The following RSRC1 variants were observed in gnomAD, a reference collection of about 807,000 sequenced individuals.
RSRC1 encodes the protein arginine and serine rich coiled-coil 1, also known as serine/Arginine-related protein 53.
A neutral mutation model predicts 49.1 loss-of-function variants in RSRC1; 39 were observed. The ratio of observed to expected loss-of-function variants is 0.79; its 90% confidence interval spans 0.61 to 1.04. The LOEUF is 1.04. Among genes scored for constraint, RSRC1 ranks in the 50% least tolerant of loss-of-function variants. The pLI, the probability that RSRC1 is intolerant of heterozygous loss-of-function variation, is 0.00. For synonymous variants in RSRC1, 143 were observed against 130.8 expected (o/e 1.09, Z -0.63); for missense variants, 388 against 402.4 (o/e 0.96, Z 0.31).
At chr3:158,328,559 C>A (rs1423957993) in intron 5 of RSRC1, among the ~76,000 whole-genome samples, 1 of 152,142 alleles carries the variant, frequency 6.6e-6, no homozygotes, top group Non-Finnish European at 1.5e-5. Context: ...TGTATATTGG[C>A]CCCCACTCTC....
At position 158,543,479 on chromosome 3, in the gene RSRC1, C is replaced by G. The variant is rs753248759; in HGVS notation, c.904C>G (p.His302Asp). 6 of 1,599,886 alleles carry G rather than the reference C, an allele frequency of 3.8e-6. No individual in the cohort carries two copies. The East Asian group carries it at 1.4e-4, about 36-fold the overall frequency. ...GTACCAAGATGACAATTCCCTGGCC[C>G]ATCCAAATGTAATATCCTTAAACTT... ...IKYQDDNSLAHPNLFIEKADA... is the reference protein window; with the variant it reads ...IKYQDDNSLADPNLFIEKADA... Residue 302 changes from histidine to aspartate, a missense_variant, in exon 9 of 10, where the codon CAT becomes GAT. Transcript: ENST00000611884.
intron 3 of RSRC1, among the ~76,000 whole-genome samples, chr3:158,150,330 G>C (rs1381018445): frequency 6.6e-6 from 1 of 152,122 alleles, no homozygotes; most frequent in Non-Finnish European, 1.5e-5. Flanking sequence ...TGTCCCCATA[G>C]CATAAAACCA....
At chr3:158,466,586 A>G (rs981757477) in intron 7 of RSRC1, among the ~76,000 whole-genome samples, 3 of 152,212 alleles carry the variant, frequency 2.0e-5, no homozygotes, top group Non-Finnish European at 2.9e-5. Flanking sequence ...ATTGTGCTCT[A>G]CTTGAAATAG....
chr3:158,296,010 G>C (rs1022045995), intron 4 of RSRC1, among the ~76,000 whole-genome samples: 1 of 152,004 alleles, frequency 6.6e-6, no homozygotes, highest in Non-Finnish European at 1.5e-5. Flanking sequence ...ATCAGACCCT[G>C]CTGGCACCAT....
At chr3:158,150,875 A>G (rs1435466728) in intron 3 of RSRC1, among the ~76,000 whole-genome samples, 3 of 152,146 alleles carry the variant, frequency 2.0e-5, no homozygotes, top group Non-Finnish European at 4.4e-5. Flanking sequence ...TGGGCATAGG[A>G]TTCTTTGTAA....
intron 5 of RSRC1, among the ~76,000 whole-genome samples, chr3:158,316,024 T>C (rs1728416818): frequency 6.6e-6 from 1 of 151,810 alleles, no homozygotes; most frequent in Non-Finnish European, 1.5e-5. Flanking sequence ...ATAAAAAAAT[T>C]AGCTGGGCGT....
At chr3:158,164,121 C>T (rs182024178) in intron 3 of RSRC1, among the ~76,000 whole-genome samples, 19 of 152,208 alleles carry the variant, frequency 1.2e-4, no homozygotes, top group South Asian at 2.1e-4. Context: ...AAGAAACTTT[C>T]TTCTCTGAAT....
intron 5 of RSRC1, among the ~76,000 whole-genome samples, chr3:158,329,522 G>A (rs1729407969): frequency 2.0e-5 from 3 of 152,146 alleles, no homozygotes; most frequent in Admixed American, 2.0e-4. Flanking sequence ...TGTTTGCCTG[G>A]GTATCAGCAG....
chr3:158,456,056 G>A lies in RSRC1; in HGVS notation c.584-4879G>A, dbSNP rs182450071. Among the ~76,000 whole-genome samples the A allele has an allele frequency of 6.0e-3, 823 of 137,246 alleles. 9 individuals carry two copies. The highest frequency in any genetic ancestry group is 5.7e-3 in the Non-Finnish European group (369 of 64,706). 90.0% of individuals were successfully genotyped at this position (137,246 alleles called of 152,430 possible). A position where few individuals can be genotyped will look rare whatever the true frequency, so the allele number is the denominator to read the frequency against. ...TGTATTAATTTTCTAAATCCTTTTCGTTCATTCGTTTAGGAAACATTCCTT... is the reference window on the plus strand; with the variant it reads ...TGTATTAATTTTCTAAATCCTTTTCATTCATTCGTTTAGGAAACATTCCTT... On this transcript the variant is annotated intron_variant, in intron 6 of 9. Transcript: ENST00000611884.
intron 6 of RSRC1, 124 bp from the exon 7 acceptor site, chr3:158,460,811 C>G (rs1022125997): frequency 6.2e-6 from 3 of 487,454 alleles, no homozygotes; most frequent in Non-Finnish European, 7.4e-6. Flanking sequence ...GTTCAACTGC[C>G]TTGTTTCTTT....
At chr3:158,247,041 C>A (rs1309813053) in intron 4 of RSRC1, among the ~76,000 whole-genome samples, 1 of 152,022 alleles carries the variant, frequency 6.6e-6, no homozygotes, top group African/African-American at 2.4e-5. Context: ...AGTCTCTTTA[C>A]ATAATCTTGT....
At chr3:158,527,715 T>C (rs531029599) in intron 7 of RSRC1, among the ~76,000 whole-genome samples, 4 of 152,078 alleles carry the variant, frequency 2.6e-5, no homozygotes, top group African/African-American at 9.6e-5. Flanking sequence ...CATGAGACAG[T>C]AAACCTGGGT....
chr3:158,157,493 G>C (rs530735748), intron 3 of RSRC1, among the ~76,000 whole-genome samples: 16 of 152,320 alleles, frequency 1.1e-4, no homozygotes, highest in African/African-American at 3.8e-4. Context: ...TGTCTTTGGT[G>C]TTGGTAGAGT....
chr3:158,295,945 G>GA (rs1463860744), intron 4 of RSRC1, among the ~76,000 whole-genome samples: 2 of 151,978 alleles, frequency 1.3e-5, no homozygotes, highest in South Asian at 2.1e-4. Context: ...CATTTTGTGT[G>GA]AACATTAATA....
At chr3:158,126,762 G>C (rs1715651666) in intron 3 of RSRC1, among the ~76,000 whole-genome samples, 2 of 152,102 alleles carry the variant, frequency 1.3e-5, no homozygotes, top group South Asian at 4.1e-4. Flanking sequence ...TTGTAAGGCA[G>C]GTCTGGTAGT....
chr3:158,347,344 G>T (rs950448367), intron 5 of RSRC1, among the ~76,000 whole-genome samples: 14 of 151,884 alleles, frequency 9.2e-5, no homozygotes, highest in African/African-American at 3.4e-4. Flanking sequence ...CTCTGTAAAG[G>T]GCCCAGTAGT....
Position 158,460,895 on chromosome 3 carries a change from G to A in RSRC1, c.584-40G>A, listed in dbSNP as rs73030514. ...ACCAATATTTTCACTTTGAATATAGGCATAAAATAAGTACAAAAATTGTAT... is the reference window on the plus strand; with the variant it reads ...ACCAATATTTTCACTTTGAATATAGACATAAAATAAGTACAAAAATTGTAT... On this transcript the variant is annotated intron_variant, in intron 6 of 9. Transcript: ENST00000611884. 0.017 allele frequency: 23,538 copies of A among 1,356,744 alleles called. 3,389 individuals carry two copies. The African/African-American group carries it at 0.31, about 18-fold the overall frequency. 84.0% of individuals were successfully genotyped at this position (1,356,744 alleles called of 1,614,324 possible). A position where few individuals can be genotyped will look rare whatever the true frequency, so the allele number is the denominator to read the frequency against.
At chr3:158,514,189 G>A (rs1177874177) in intron 7 of RSRC1, among the ~76,000 whole-genome samples, 1 of 152,038 alleles carries the variant, frequency 6.6e-6, no homozygotes, top group African/African-American at 2.4e-5. Context: ...TGCTTTTCTT[G>A]TTCTTTTAAT....
intron 4 of RSRC1, among the ~76,000 whole-genome samples, chr3:158,247,934 A>G (rs1450508685): frequency 6.6e-6 from 1 of 152,168 alleles, no homozygotes; most frequent in African/African-American, 2.4e-5. Context: ...GTACTGTTAC[A>G]CAAACAGACA....
Sources: allele counts gnomAD v4.1 joint callset (sites outside exome capture counted in the v4.1 genomes callset), GRCh38; gene constraint gnomAD v4.1.1; transcripts MANE v1.5; gene names NCBI Gene and HGNC (gene_info 2026-07-23, HGNC 2026-07-21).